Variants in PRKG1 observed in about 807,000 individuals in gnomAD.
The protein encoded by PRKG1 is cGMP-dependent protein kinase 1.
Under a neutral mutation model 88.1 loss-of-function variants are expected in PRKG1, and 35 were observed. The observed-to-expected ratio is 0.40, with a 90% CI of 0.30 to 0.53. The LOEUF is 0.53. Ranked by LOEUF, PRKG1 falls within the 20% of genes least tolerant of loss-of-function variation. The pLI is 0.59. For synonymous variants in PRKG1, 303 were observed against 292.5 expected, an observed-to-expected ratio of 1.04 and a Z score of -0.37; for missense variants, 540 against 839.8, an observed-to-expected ratio of 0.64 and a Z score of 4.41.
intron 3 of PRKG1, among the ~76,000 whole-genome samples, chr10:51,658,924 T>C (rs548623607): frequency 8.5e-5 from 13 of 152,214 alleles, no homozygotes; most frequent in Admixed American, 7.2e-4. Flanking sequence ...GAAAAACATG[T>C]ATTTTCCATC....
intron 7 of PRKG1, among the ~76,000 whole-genome samples, chr10:52,105,482 C>T (rs1428431321): frequency 6.6e-6 from 1 of 152,126 alleles, no homozygotes; most frequent in African/African-American, 2.4e-5. Context: ...CTTGGCTTTG[C>T]AGAATGTAGT....
chr10:51,436,279 C>T (rs993642223), intron 2 of PRKG1, among the ~76,000 whole-genome samples: 2 of 151,392 alleles, frequency 1.3e-5, no homozygotes, highest in Admixed American at 1.3e-4. Context: ...AAAGGGCAAG[C>T]GTAAGGATAA....
chr10:51,678,156 A>C (rs918126950), intron 3 of PRKG1, among the ~76,000 whole-genome samples: 1 of 152,144 alleles, frequency 6.6e-6, no homozygotes, highest in African/African-American at 2.4e-5. Context: ...TAGCTTAGAA[A>C]CAATCATTAA....
intron 3 of PRKG1, among the ~76,000 whole-genome samples, chr10:51,786,540 G>A (rs1462638961): frequency 6.6e-6 from 1 of 152,050 alleles, no homozygotes; most frequent in African/African-American, 2.4e-5. Flanking sequence ...ACTAGGGCTA[G>A]GTTTGATGTT....
chr10:51,144,605 C>T (rs1266864204), intron 1 of PRKG1, among the ~76,000 whole-genome samples: 1 of 152,030 alleles, frequency 6.6e-6, no homozygotes. Flanking sequence ...AACCACAGAG[C>T]TTTTATGACT....
At chr10:51,670,518 C>T (rs945469322) in intron 3 of PRKG1, among the ~76,000 whole-genome samples, 7 of 150,520 alleles carry the variant, frequency 4.7e-5, no homozygotes, top group East Asian at 1.9e-4. Context: ...GGGCAGATCA[C>T]GAGGTCAGGA....
chr10:52,049,366 C>G lies in PRKG1; in HGVS notation c.763-5118C>G, dbSNP rs150824351. 2.4e-3 allele frequency among the ~76,000 whole-genome samples: 368 copies of G among 152,026 alleles called. 1 individual carries two copies. The highest frequency in any genetic ancestry group is 7.2e-3 in the African/African-American group (298 of 41,474). On this transcript the variant is annotated intron_variant, in intron 5 of 17. Transcript: ENST00000373980. ...GCACATGCAAGTCACAGAAAAAAAG[C>G]CAGCAAGTCTGAAACAGAATCACAA...
At chr10:51,382,371 G>T (rs953291852) in intron 2 of PRKG1, among the ~76,000 whole-genome samples, 10 of 152,146 alleles carry the variant, frequency 6.6e-5, no homozygotes, top group African/African-American at 2.2e-4. Flanking sequence ...GAGATCCAAT[G>T]ATTGAGTCCC....
chr10:51,462,506 A>T (rs552344942), intron 2 of PRKG1, among the ~76,000 whole-genome samples: 1 of 152,178 alleles, frequency 6.6e-6, no homozygotes, highest in East Asian at 1.9e-4. Flanking sequence ...GCTATAATGG[A>T]TCCCTTAATG....
At chr10:52,128,845 A>G (rs1254382373) in intron 7 of PRKG1, among the ~76,000 whole-genome samples, 1 of 152,206 alleles carries the variant, frequency 6.6e-6, no homozygotes, top group Admixed American at 6.5e-5. Flanking sequence ...TTTTATTTTT[A>G]GAGACAATTT....
rs555739423 is a variant in PRKG1, at chr10:51,458,861, A to AC, written c.479-8859dup. 2.2e-4 allele frequency among the ~76,000 whole-genome samples: 34 copies of AC among 152,262 alleles called. No individual in the cohort carries two copies. The East Asian group carries it at 6.4e-3, about 29-fold the overall frequency. ...CCAAACATGGATCGAAACTACAGAAACCCACACATAAGGAGGAATGACTGC... is the reference window on the plus strand; with the variant it reads ...CCAAACATGGATCGAAACTACAGAAACCCCACACATAAGGAGGAATGACTGC... On this transcript the variant is annotated intron_variant, in intron 2 of 17. Transcript: ENST00000373980.
chr10:51,558,601 A>G (rs1404343611), intron 3 of PRKG1, among the ~76,000 whole-genome samples: 1 of 152,086 alleles, frequency 6.6e-6, no homozygotes, highest in East Asian at 1.9e-4. Context: ...GTAGAATAAG[A>G]GCAAATGTTG....
At chr10:51,797,819 C>A (rs1277805476) in intron 3 of PRKG1, among the ~76,000 whole-genome samples, 2 of 151,612 alleles carry the variant, frequency 1.3e-5, no homozygotes, top group South Asian at 4.2e-4. Context: ...TCCTTCCCAG[C>A]CCCCAGTAAC....
chr10:51,787,425 C>T (rs1838756807), intron 3 of PRKG1, among the ~76,000 whole-genome samples: 1 of 152,060 alleles, frequency 6.6e-6, no homozygotes, highest in African/African-American at 2.4e-5. Context: ...GTAACTTAAT[C>T]AATCATACTT....
intron 9 of PRKG1, among the ~76,000 whole-genome samples, chr10:52,195,995 CA>C (rs1289093837): frequency 2.0e-5 from 3 of 151,496 alleles, no homozygotes; most frequent in Admixed American, 6.6e-5. Flanking sequence ...ATTAAACATG[CA>C]AAAAAATGTT....
chr10:51,586,414 G>A (rs1838174892), intron 3 of PRKG1, among the ~76,000 whole-genome samples: 1 of 152,094 alleles, frequency 6.6e-6, no homozygotes, highest in African/African-American at 2.4e-5. Context: ...GGAAGAAATT[G>A]ACATGAGGTA....
chr10:51,594,756 A>G (rs761376776), intron 3 of PRKG1, among the ~76,000 whole-genome samples: 10 of 152,152 alleles, frequency 6.6e-5, no homozygotes, highest in Non-Finnish European at 1.5e-4. Context: ...GTGCTGTGCT[A>G]CTGGAACCAC....
intron 3 of PRKG1, among the ~76,000 whole-genome samples, chr10:51,785,340 A>G (rs1328678786): frequency 6.6e-6 from 1 of 151,904 alleles, no homozygotes; most frequent in African/African-American, 2.4e-5. Flanking sequence ...AACCCTGACC[A>G]TGGACGTTTT....
intron 2 of PRKG1, among the ~76,000 whole-genome samples, chr10:51,404,285 C>T (rs533989666): frequency 3.3e-5 from 5 of 152,270 alleles, no homozygotes; most frequent in East Asian, 3.9e-4. Flanking sequence ...TCAACAAATG[C>T]GAATACTTTG....
Sources: allele counts gnomAD v4.1 joint callset (sites outside exome capture counted in the v4.1 genomes callset), GRCh38; gene constraint gnomAD v4.1.1; transcripts MANE v1.5; gene names NCBI Gene and HGNC (gene_info 2026-07-23, HGNC 2026-07-21).